Variants in NELL2 observed in about 807,000 individuals in gnomAD.
NELL2 encodes the protein neural EGFL like 2.
NELL2 carries 41 observed loss-of-function variants against 109.6 expected under a neutral mutation model. The ratio of observed to expected loss-of-function variants is 0.37; its 90% CI spans 0.29 to 0.49. The LOEUF is 0.49. NELL2 is among the 20% of genes least tolerant of loss of function. The pLI, the probability that NELL2 is intolerant of heterozygous loss-of-function variation, is 0.98. For missense variants in NELL2, 900 were observed against 1,008.3 expected (o/e 0.89, Z 1.45); for synonymous variants, 355 against 344.7 (o/e 1.03, Z -0.33).
intron 1 of NELL2, among the ~76,000 whole-genome samples, chr12:44,907,446 T>C (rs1361024009): frequency 2.0e-5 from 3 of 152,140 alleles, no homozygotes; most frequent in Non-Finnish European, 4.4e-5. Flanking sequence ...ATATTGTTTA[T>C]AGGCCAAGTA....
chr12:44,547,141 A>G (rs151181212), intron 15 of NELL2, among the ~76,000 whole-genome samples: 17 of 152,304 alleles, frequency 1.1e-4, no homozygotes, highest in African/African-American at 3.6e-4. Context: ...TCATCCTGCT[A>G]CTTCTTAGAG....
chr12:44,777,414 A>G lies in NELL2; in HGVS notation c.607-100T>C, dbSNP rs536506776. On this transcript the variant is annotated intron_variant, in intron 5 of 19. Coordinates refer to ENST00000429094, the MANE Select transcript of NELL2 (RefSeq NM_001145108.2). ...AAGGAAAATATTACAGAACACACTC[A>G]CTAAAATCCCTGAGTAAAAAGTCTT... The G allele has an allele frequency of 5.5e-6, 5 of 906,838 alleles. No individual in the cohort carries two copies. The African/African-American group carries it at 8.3e-5, about 15-fold the overall frequency. 56.2% of individuals were successfully genotyped at this position (906,838 alleles called of 1,614,324 possible). A position where few individuals can be genotyped will look rare whatever the true frequency, so the allele number is the denominator to read the frequency against.
intron 1 of NELL2, among the ~76,000 whole-genome samples, chr12:44,888,146 A>T (rs955607145): frequency 1.3e-5 from 2 of 152,024 alleles, no homozygotes; most frequent in African/African-American, 4.8e-5. Context: ...AATTGGCTCA[A>T]AATGTGTGAA....
intron 1 of NELL2, among the ~76,000 whole-genome samples, chr12:44,898,316 C>T (rs1276760806): frequency 6.6e-6 from 1 of 152,194 alleles, no homozygotes; most frequent in African/African-American, 2.4e-5. Context: ...TGGAGAGACA[C>T]CTCCCAGCAG....
At chr12:44,904,237 T>C (rs1227918506) in intron 1 of NELL2, among the ~76,000 whole-genome samples, 1 of 152,106 alleles carries the variant, frequency 6.6e-6, no homozygotes, top group Admixed American at 6.6e-5. Flanking sequence ...ACAACTGAAA[T>C]AAAATAAATG....
chr12:44,883,221 T>C (rs1439373293), intron 1 of NELL2, among the ~76,000 whole-genome samples: 1 of 151,928 alleles, frequency 6.6e-6, no homozygotes, highest in East Asian at 1.9e-4. Context: ...AATCAAAGAA[T>C]TGGCATGACT....
intron 15 of NELL2, among the ~76,000 whole-genome samples, chr12:44,565,123 G>A (rs1943604413): frequency 6.6e-6 from 1 of 152,080 alleles, no homozygotes; most frequent in African/African-American, 2.4e-5. Flanking sequence ...GTGCCTTAAA[G>A]TTTGAAAGCT....
At chr12:44,911,075 G>A (rs1054167963) in intron 1 of NELL2, among the ~76,000 whole-genome samples, 1 of 151,978 alleles carries the variant, frequency 6.6e-6, no homozygotes, top group African/African-American at 2.4e-5. Flanking sequence ...ACAGGATCAT[G>A]CATATCTCAG....
intron 15 of NELL2, among the ~76,000 whole-genome samples, chr12:44,559,440 C>T (rs1054081905): frequency 3.3e-5 from 5 of 152,110 alleles, no homozygotes; most frequent in East Asian, 1.9e-4. Context: ...ACCCATCTCA[C>T]GTGCAAAGAC....
rs372318924 is a variant in NELL2 at position 44,839,543 on chromosome 12, CA to C, written c.185-23408del. On this transcript the variant is annotated intron_variant, in intron 2 of 19. Transcript: ENST00000429094. Reference sequence around the variant, plus strand: ...AAATTTTGCACTATCCTAAGAATAACAAAAATGCTTTCCAAAAAGGGCTCTC... The same window carrying C: ...AAATTTTGCACTATCCTAAGAATAACAAAATGCTTTCCAAAAAGGGCTCTC... 3.4e-4 allele frequency among the ~76,000 whole-genome samples: 51 copies of C among 152,210 alleles called. 1 individual carries two copies. In the South Asian group the frequency reaches 8.3e-3, roughly 25 times the overall value.
chr12:44,703,590 T>TAA, intron 12 of NELL2, 136 bp downstream of exon 12: 1 of 856,018 alleles, frequency 1.2e-6, no homozygotes, highest in Non-Finnish European at 1.8e-6. Flanking sequence ...TATTTTTAGC[T>TAA]GATTAATATG....
Position 44,875,800 on chromosome 12 carries a change from T to TCAC in NELL2, c.55+14_55+15insGTG. On this transcript the variant is annotated intron_variant, in intron 1 of 19. Transcript: ENST00000429094. Reference sequence around the variant, plus strand: ...AGCCATCCCTTTCCCCAGCCCCAGCTCTGCGGCCACTCACCTGCTCCGAGA... The same window carrying TCAC: ...AGCCATCCCTTTCCCCAGCCCCAGCTCACCTGCGGCCACTCACCTGCTCCGAGA... The TCAC allele has an allele frequency of 6.2e-7, 1 of 1,613,238 alleles. No homozygotes were observed. Among genetic ancestry groups the TCAC allele is most frequent in the Non-Finnish European group, 8.5e-7 (1 of 1,180,008 alleles).
intron 2 of NELL2, among the ~76,000 whole-genome samples, chr12:44,856,329 C>T (rs1605298): frequency 6.6e-6 from 1 of 152,094 alleles, no homozygotes; most frequent in Non-Finnish European, 1.5e-5. Context: ...CCCGCATGCA[C>T]TTTACTTTTT....
At chr12:44,515,640 G>A (rs1371408236) in intron 19 of NELL2, among the ~76,000 whole-genome samples, 1 of 151,752 alleles carries the variant, frequency 6.6e-6, no homozygotes, top group African/African-American at 2.4e-5. Context: ...TGATAAAAAT[G>A]AAAATAAAAG....
intron 12 of NELL2, among the ~76,000 whole-genome samples, chr12:44,671,708 G>A (rs1321441263): frequency 6.6e-6 from 1 of 152,090 alleles, no homozygotes; most frequent in Non-Finnish European, 1.5e-5. Context: ...TACCAAGACT[G>A]AACCAGAAAG....
At chr12:44,687,949 C>A (rs963794068) in intron 12 of NELL2, among the ~76,000 whole-genome samples, 5 of 151,998 alleles carry the variant, frequency 3.3e-5, no homozygotes, top group African/African-American at 1.2e-4. Flanking sequence ...CATAAGATAC[C>A]TGCAACTAAT....
At chr12:44,607,454 C>G (rs977656740) in intron 14 of NELL2, among the ~76,000 whole-genome samples, 190 bp from the exon 15 acceptor site, 1 of 152,030 alleles carries the variant, frequency 6.6e-6, no homozygotes, top group Non-Finnish European at 1.5e-5. Flanking sequence ...AGTACTCTTT[C>G]CAATGTTAAA....
At chr12:44,646,696 T>A (rs1947107920) in intron 13 of NELL2, among the ~76,000 whole-genome samples, 1 of 152,218 alleles carries the variant, frequency 6.6e-6, no homozygotes, top group Admixed American at 6.5e-5. Flanking sequence ...AGGGGACTAC[T>A]GTACTGCCTA....
chr12:44,711,231 G>A, intron 11 of NELL2, 61 bp downstream of exon 11: 1 of 1,199,132 alleles, frequency 8.3e-7, no homozygotes, highest in Non-Finnish European at 1.2e-6. Flanking sequence ...CTTCATGTCA[G>A]TTGTACTAGC....
Sources: gnomAD v4.1 joint callset for allele counts (sites outside exome capture counted in the v4.1 genomes callset) on GRCh38, gnomAD v4.1.1 for gene constraint, MANE v1.5 for transcripts, NCBI Gene and HGNC (gene_info 2026-07-23, HGNC 2026-07-21) for gene names.